Variants in TTC34 observed in about 807,000 individuals in gnomAD.
The protein encoded by TTC34 is tetratricopeptide repeat protein 34.
TTC34 carries 44 observed loss-of-function variants against 40.7 expected under a neutral mutation model. The ratio of observed to expected loss-of-function variants is 1.08; its 90% CI spans 0.85 to 1.39. The LOEUF (loss-of-function observed/expected upper bound fraction) is 1.39, where lower values mean the gene tolerates loss of function less well. Among genes scored for constraint, TTC34 ranks in the 40% most tolerant of loss-of-function variants. TTC34 has a pLI of 0.00. For missense variants in TTC34, 884 were observed against 838.0 expected (o/e 1.05, Z -0.68); for synonymous variants, 422 against 398.6 (o/e 1.06, Z -0.70).
chr1:2,783,261 C>T (rs957224687), intron 6 of TTC34, among the ~76,000 whole-genome samples: 1 of 152,326 alleles, frequency 6.6e-6, no homozygotes, highest in Admixed American at 6.5e-5. Context: ...GCAGCCTCAC[C>T]AATGCAGCTG....
chr1:2,684,960 C>T (rs552585729), intron 6 of TTC34, among the ~76,000 whole-genome samples: 1 of 141,710 alleles, frequency 7.1e-6, no homozygotes, highest in African/African-American at 2.9e-5. Flanking sequence ...ACCCACACCC[C>T]CAGACGAGCA....
In TTC34 at chr1:2,641,757, G is replaced by A; in HGVS notation, c.2851C>T (p.Gln951Ter). The stretch of plus-strand genomic sequence containing the variant: ...TCCCTAAGGGCCCGGCCAAACTCCT[G>A]CAACTCGGCCAGGCAGGTGGCCCGC... Residue 951 changes from glutamine (Q) to a stop codon, truncating the protein, a stop_gained, in exon 9 of 9, where the codon CAG becomes TAG. Coordinates refer to ENST00000401095, the Ensembl canonical transcript of TTC34. LOFTEE classifies it low-confidence loss of function (END_TRUNC). 1 of 1,535,350 alleles carries A rather than the reference G, an allele frequency of 6.5e-7. No homozygotes were observed. The highest frequency in any genetic ancestry group is 8.7e-7 in the Non-Finnish European group (1 of 1,146,590).
At chr1:2,759,868 T>TGCTCCCCCAGGTG (rs1641636432) in intron 6 of TTC34, among the ~76,000 whole-genome samples, 1 of 64,982 alleles carries the variant, frequency 1.5e-5, no homozygotes, top group African/African-American at 1.0e-4. Flanking sequence ...CAGCCTGGAG[T>TGCTCCCCCAGGTG]AGTATCCTGC....
At chr1:2,764,180 A>C (rs1641722073) in intron 6 of TTC34, among the ~76,000 whole-genome samples, 1 of 149,422 alleles carries the variant, frequency 6.7e-6, no homozygotes, top group Non-Finnish European at 1.5e-5. Context: ...AGCACCCTGC[A>C]ACCCCAGGTG....
intron 2 of TTC34, among the ~76,000 whole-genome samples, chr1:2,795,528 C>T (rs1569976046): frequency 6.6e-6 from 1 of 152,126 alleles, no homozygotes; most frequent in Non-Finnish European, 1.5e-5. Context: ...AGGTGGAAGC[C>T]GTGGGGCCTC....
At chr1:2,764,218 A>T (rs1461138881) in intron 6 of TTC34, among the ~76,000 whole-genome samples, 2 of 145,622 alleles carry the variant, frequency 1.4e-5, no homozygotes, top group Non-Finnish European at 3.0e-5. Flanking sequence ...AACAGCATCC[A>T]CACACCCAGG....
At chr1:2,684,559 C>T (rs71514353) in intron 6 of TTC34, among the ~76,000 whole-genome samples, 6 of 138,832 alleles carry the variant, frequency 4.3e-5, no homozygotes, top group Admixed American at 3.6e-4. Context: ...TCCCACAACC[C>T]CAGGTGAGCA....
At chr1:2,698,984 T>A (rs1391281757) in intron 6 of TTC34, among the ~76,000 whole-genome samples, 2 of 133,968 alleles carry the variant, frequency 1.5e-5, no homozygotes, top group African/African-American at 5.3e-5. Context: ...CAGGTGAGCA[T>A]CTGACAGCCT....
chr1:2,755,567 G>A (rs1347161030), intron 6 of TTC34, among the ~76,000 whole-genome samples: 4 of 49,776 alleles, frequency 8.0e-5, no homozygotes, highest in Admixed American at 2.2e-4. Flanking sequence ...CTGAAACCAC[G>A]GAGCAGCACC....
rs571220961 is a variant in TTC34, at chr1:2,644,501, A to G, written c.2498-23T>C. The stretch of plus-strand genomic sequence containing the variant: ...TGCCTGTCAGGGATTCAGGAGGGAC[A>G]GTCAGTGTGTGGGGTTGGGCAGAGG... On this transcript the variant is annotated intron_variant, in intron 7 of 8. Transcript: ENST00000401095. 26 of 1,526,962 alleles carry G rather than the reference A, an allele frequency of 1.7e-5. No individual in the cohort carries two copies. The African/African-American group carries it at 3.3e-4, about 19-fold the overall frequency. 94.6% of individuals were successfully genotyped at this position (1,526,962 alleles called of 1,614,324 possible).
At chr1:2,779,470 C>T (rs907537186) in intron 6 of TTC34, among the ~76,000 whole-genome samples, 8 of 151,976 alleles carry the variant, frequency 5.3e-5, no homozygotes, top group South Asian at 2.1e-4. Flanking sequence ...ATTACAGGCG[C>T]GTGCCACCAC....
chr1:2,675,066 G>T (rs4648714), intron 6 of TTC34, among the ~76,000 whole-genome samples: 1 of 115,350 alleles, frequency 8.7e-6, no homozygotes, highest in Non-Finnish European at 2.0e-5. Flanking sequence ...GGAGAGTCAG[G>T]AGCAGTGCCC....
At chr1:2,685,779 G>C in intron 6 of TTC34, among the ~76,000 whole-genome samples, 1 of 148,276 alleles carries the variant, frequency 6.7e-6, no homozygotes, top group African/African-American at 2.5e-5. Flanking sequence ...GCATCTGACA[G>C]CCTGGAACAG....
intron 6 of TTC34, among the ~76,000 whole-genome samples, chr1:2,777,454 C>A (rs901018688): frequency 6.6e-6 from 1 of 150,772 alleles, no homozygotes; most frequent in African/African-American, 2.4e-5. Flanking sequence ...CAAGTCCTGC[C>A]CCCCGGTTAG....
intron 6 of TTC34, among the ~76,000 whole-genome samples, chr1:2,752,845 G>C (rs1641369739): frequency 1.3e-5 from 2 of 149,346 alleles, no homozygotes; most frequent in Non-Finnish European, 1.5e-5. Context: ...GACTGGAACA[G>C]CACCCACACA....
At chr1:2,642,879 G>A (rs1327821429) in intron 8 of TTC34, among the ~76,000 whole-genome samples, 2 of 152,234 alleles carry the variant, frequency 1.3e-5, no homozygotes, top group Non-Finnish European at 2.9e-5. Flanking sequence ...CTCCCGCAGG[G>A]CACAGTGTGG....
intron 6 of TTC34, among the ~76,000 whole-genome samples, chr1:2,652,573 G>A: frequency 1.3e-5 from 2 of 151,764 alleles, no homozygotes; most frequent in Non-Finnish European, 2.9e-5. Context: ...ACCCCCAGGT[G>A]AGCATTGGAC....
At chr1:2,687,606 C>G (rs1284053741) in intron 6 of TTC34, among the ~76,000 whole-genome samples, 1 of 120,476 alleles carries the variant, frequency 8.3e-6, no homozygotes, top group Non-Finnish European at 1.7e-5. Context: ...AGCACCCACA[C>G]CCCCAGGTGA....
At chr1:2,651,841 C>T (rs1639143331) in intron 6 of TTC34, among the ~76,000 whole-genome samples, 1 of 151,766 alleles carries the variant, frequency 6.6e-6, no homozygotes, top group Non-Finnish European at 1.5e-5. Context: ...AACGGTACCA[C>T]CAATTAGGTG....
Sources: gnomAD v4.1 joint callset for allele counts (sites outside exome capture counted in the v4.1 genomes callset) on GRCh38, gnomAD v4.1.1 for gene constraint, MANE v1.5 for transcripts, NCBI Gene and HGNC (gene_info 2026-07-23, HGNC 2026-07-21) for gene names.